Variants in BTN3A1 observed in about 807,000 individuals in gnomAD.
BTN3A1 encodes butyrophilin subfamily 3 member A1.
BTN3A1 carries 24 observed loss-of-function variants against 43.0 expected under a neutral mutation model. That is an observed-to-expected ratio of 0.56 (90% CI 0.40 to 0.78). The LOEUF is 0.78. Among genes scored for constraint, BTN3A1 ranks in the 30% least tolerant of loss-of-function variants. The pLI is 0.00. For synonymous variants in BTN3A1, 181 were observed against 234.7 expected (o/e 0.77, Z 2.09); for missense variants, 533 against 626.2 (o/e 0.85, Z 1.59).
chr6:26,407,721 A>T lies in BTN3A1; in HGVS notation c.484A>T (p.Ile162Phe). 6.2e-7 allele frequency: 1 copy of T among 1,614,190 alleles called. No individual in the cohort carries two copies. Among genetic ancestry groups the T allele is most frequent in the Non-Finnish European group, 8.5e-7 (1 of 1,180,034 alleles). ...VDVKGYKDGG[I>F]HLECRSTGWY... The stretch of plus-strand genomic sequence containing the variant: ...TGTGAAGGGTTACAAGGATGGAGGG[A>T]TCCATCTGGAGTGCAGGTCCACTGG... Residue 162 changes from isoleucine (I) to phenylalanine (F), a missense_variant, in exon 4 of 10, where the codon ATC becomes TTC. This residue lies in a region of BTN3A1 where 415 missense variants were observed against 427.0 expected (regional missense o/e 0.97). Transcript: ENST00000289361.
rs1209802134 is a variant in BTN3A1 at position 26,412,629 on chromosome 6, C to T, written c.1019-540C>T. The T allele has an allele frequency of 3.2e-6, 5 of 1,548,556 alleles. No homozygotes were observed. The Admixed American group carries it at 9.8e-5, about 30-fold the overall frequency. ...GGAAGATGAGGAGCTTCCTTCATGG[C>T]CTGCTGTGGGCTGAGTAAATAACAT... On this transcript the variant is annotated intron_variant, in intron 9 of 9. Transcript: ENST00000289361.
In BTN3A1 at chr6:26,413,584, T is replaced by C; in HGVS notation, c.1434T>C (p.Asp478=). Reference sequence around the variant, plus strand: ...ATATCTCATTCTACAATGCTGTGGATGGATCGCATATTCATACTTTCCTGG... The same window carrying C: ...ATATCTCATTCTACAATGCTGTGGACGGATCGCATATTCATACTTTCCTGG... ...TGDISFYNAV[D]GSHIHTFLDV... Residue 478 remains aspartate (D), a synonymous_variant, in exon 10 of 10, where the codon GAT becomes GAC. Coordinates refer to ENST00000289361, the MANE Select transcript of BTN3A1 (RefSeq NM_007048.6). The C allele has an allele frequency of 6.2e-7, 1 of 1,614,216 alleles. No individual in the cohort carries two copies. Among genetic ancestry groups the C allele is most frequent in the Non-Finnish European group, 8.5e-7 (1 of 1,180,028 alleles).
Position 26,409,567 on chromosome 6 carries a change from C to T in BTN3A1, c.750C>T (p.Ala250=), listed in dbSNP as rs575326948. 75 of 1,613,826 alleles carry T rather than the reference C, an allele frequency of 4.6e-5. 2 individuals are homozygous for T. In the Middle Eastern group the frequency reaches 6.6e-4, roughly 14 times the overall value. The change falls in exon 5 of 10, where the codon GCC becomes GCT. Residue 250 remains alanine, a synonymous_variant. Transcript: ENST00000289361. ...PFFRSAQRWI[A]ALAGTLPVLL... is the part of the protein sequence containing the mutation. ...TCAGGAGCGCCCAGAGGTGGATCGC[C>T]GCCCTGGCAGGGACCCTGCCTGTCT...
chr6:26,406,511 C>T (rs1280973479), intron 3 of BTN3A1, among the ~76,000 whole-genome samples: 1 of 152,180 alleles, frequency 6.6e-6, no homozygotes, highest in Non-Finnish European at 1.5e-5. Flanking sequence ...AAGTGAAGGA[C>T]AAGGGATAGA....
intron 3 of BTN3A1, among the ~76,000 whole-genome samples, 173 bp downstream of exon 3, chr6:26,406,429 G>A (rs1019883815): frequency 2.6e-5 from 4 of 151,394 alleles, no homozygotes; most frequent in African/African-American, 9.7e-5. Context: ...TTTTCCTTTA[G>A]GAAGAATTCC....
At chr6:26,404,768 G>A (rs1025426712) in intron 1 of BTN3A1, among the ~76,000 whole-genome samples, 1 of 152,178 alleles carries the variant, frequency 6.6e-6, no homozygotes, top group African/African-American at 2.4e-5. Context: ...GGCCAACTGT[G>A]CAATTCTAAA....
intron 5 of BTN3A1, 58 bp from the exon 6 acceptor site, chr6:26,409,836 T>A: frequency 6.2e-7 from 1 of 1,613,620 alleles, no homozygotes; most frequent in Non-Finnish European, 8.5e-7. Flanking sequence ...TTAAGGTTAA[T>A]TTTTTAGAAA....
intron 3 of BTN3A1, 47 bp from the exon 4 acceptor site, chr6:26,407,624 T>C (rs1253631513): frequency 6.3e-7 from 1 of 1,593,114 alleles, no homozygotes; most frequent in Non-Finnish European, 8.6e-7. Context: ...TGAGACCCTC[T>C]CTGATACAGG....
At chr6:26,403,882 A>T (rs746879420) in intron 1 of BTN3A1, among the ~76,000 whole-genome samples, 4 of 152,198 alleles carry the variant, frequency 2.6e-5, no homozygotes, top group African/African-American at 4.8e-5. Flanking sequence ...AAAAAAATAT[A>T]TCCTTTATGA....
chr6:26,404,737 C>T (rs1761955223), intron 1 of BTN3A1, among the ~76,000 whole-genome samples: 1 of 152,196 alleles, frequency 6.6e-6, no homozygotes, highest in Non-Finnish European at 1.5e-5. Flanking sequence ...CTCGACTTGA[C>T]ATCAGGAAGT....
chr6:26,412,367 A>T (rs1561848983), intron 9 of BTN3A1: 1 of 746,008 alleles, frequency 1.3e-6, no homozygotes, highest in East Asian at 2.7e-5. Context: ...GCAGGAAATT[A>T]AACGGTGTGT....
rs1178519370 is a variant in BTN3A1 at position 26,412,669 on chromosome 6, G to T, written c.1019-500G>T. The T allele has an allele frequency of 6.4e-6, 10 of 1,551,294 alleles. No individual in the cohort carries two copies. In the South Asian group the frequency reaches 1.2e-4, roughly 18 times the overall value. On this transcript the variant is annotated intron_variant, in intron 9 of 9. Transcript: ENST00000289361. Reference sequence around the variant, plus strand: ...GTAAATAACATGATTGCCTTCTACAGCGCTAGAGATTCATTTGTTTATCCC... The same window carrying T: ...GTAAATAACATGATTGCCTTCTACATCGCTAGAGATTCATTTGTTTATCCC...
intron 9 of BTN3A1, chr6:26,412,816 T>G: frequency 1.3e-6 from 2 of 1,549,684 alleles, no homozygotes. Flanking sequence ...GAATGAAGGT[T>G]GAAAATTAAC....
At position 26,413,575 on chromosome 6, in the gene BTN3A1, T is replaced by C; in HGVS notation, c.1425T>C (p.Asn475=). The C allele has an allele frequency of 6.2e-7, 1 of 1,614,188 alleles. No homozygotes were observed. Among genetic ancestry groups the C allele is most frequent in the South Asian group, 1.1e-5 (1 of 91,082 alleles). The change falls in exon 10 of 10, where the codon AAT becomes AAC. Residue 475 remains asparagine (N), a synonymous_variant. Coordinates refer to ENST00000289361, the MANE Select transcript of BTN3A1 (RefSeq NM_007048.6). ...AGACTGGAGATATCTCATTCTACAA[T>C]GCTGTGGATGGATCGCATATTCATA... The part of the protein sequence containing the change: ...DYETGDISFY[N]AVDGSHIHTF...
rs1334528309 is a variant in BTN3A1, at chr6:26,414,262, A to G, written c.*570A>G. On this transcript the variant is annotated 3_prime_UTR_variant, in exon 10 of 10. Transcript: ENST00000289361. ...ATGTTCAGCTTCAGTCCCCGGCCCT[A>G]TGGCCGTTCTTTTCCACCCTGTTTC... The G allele has an allele frequency of 6.2e-6, 1 of 161,384 alleles. No individual in the cohort carries two copies. The highest frequency in any genetic ancestry group is 2.4e-5 in the African/African-American group (1 of 41,488). 10.0% of individuals were successfully genotyped at this position (161,384 alleles called of 1,614,324 possible).
chr6:26,407,274 A>G (rs1561844938), intron 3 of BTN3A1, among the ~76,000 whole-genome samples: 1 of 152,200 alleles, frequency 6.6e-6, no homozygotes, highest in Non-Finnish European at 1.5e-5. Context: ...GATCTGTAGC[A>G]GACGATGAAG....
At chr6:26,403,102 A>G (rs190807871) in intron 1 of BTN3A1, among the ~76,000 whole-genome samples, 3 of 152,226 alleles carry the variant, frequency 2.0e-5, no homozygotes, top group East Asian at 3.9e-4. Context: ...GTCTTGCTCT[A>G]TCACCCAGGC....
chr6:26,413,662 G>T lies in BTN3A1; in HGVS notation c.1512G>T (p.Glu504Asp), dbSNP rs148488957. The T allele has an allele frequency of 1.7e-4, 272 of 1,613,386 alleles. No homozygotes were observed. Among genetic ancestry groups the T allele is most frequent in the Non-Finnish European group, 2.1e-4 (252 of 1,179,804 alleles). Residue 504 changes from glutamate (E) to aspartate (D), a missense_variant, in exon 10 of 10, where the codon GAG becomes GAT. By Grantham distance (45) the Glu-to-Asp change is conservative. Around this residue, in one of 4 missense-constraint regions of BTN3A1, gnomAD observed 415 missense variants for 427.0 expected, o/e 0.97. Transcript: ENST00000289361. Reference sequence around the variant, plus strand: ...CTGTTTTCAGAATTTTGACCTTGGAGCCCACGGCCCTGACTATTTGTCCAG... The same window carrying T: ...CTGTTTTCAGAATTTTGACCTTGGATCCCACGGCCCTGACTATTTGTCCAG... Reference protein sequence around the residue: ...LYPVFRILTLEPTALTICPA With the variant: ...LYPVFRILTLDPTALTICPA
chr6:26,411,018 A>G, intron 7 of BTN3A1, 91 bp from the exon 8 acceptor site: 1 of 1,139,410 alleles, frequency 8.8e-7, no homozygotes, highest in East Asian at 2.6e-5. Context: ...AAAAAAAAAA[A>G]AAAAAGATTA....
Sources: gnomAD v4.1 joint callset for allele counts (sites outside exome capture counted in the v4.1 genomes callset) on GRCh38, gnomAD v4.1.1 for gene constraint, gnomAD v4.1.1 regional missense constraint, MANE v1.5 for transcripts, NCBI Gene and HGNC (gene_info 2026-07-23, HGNC 2026-07-21) for gene names.